The following DSCAML1 variants were observed in gnomAD, a reference collection of about 807,000 sequenced individuals.
DSCAML1 encodes the protein DS cell adhesion molecule like 1.
A neutral mutation model predicts 200.5 loss-of-function variants in DSCAML1; 38 were observed. That is an observed-to-expected ratio of 0.19 (90% confidence interval 0.15 to 0.25). DSCAML1 has a LOEUF of 0.25. Among genes scored for constraint, DSCAML1 ranks in the 10% least tolerant of loss-of-function variants. The probability of loss-of-function intolerance (pLI) is 1.00; values close to 1 mark genes in which losing one functional copy is unlikely to be tolerated. For synonymous variants in DSCAML1, 1,215 were observed against 1,165.0 expected (o/e 1.04, Z -0.87); for missense variants, 2,223 against 2,858.8 (o/e 0.78, Z 5.07).
intron 22 of DSCAML1, 119 bp from the exon 23 acceptor site, chr11:117,439,548 G>C: frequency 1.5e-6 from 2 of 1,320,278 alleles, no homozygotes; most frequent in East Asian, 2.4e-5. Context: ...AGGGAACGCC[G>C]GGTTCTTGGG....
intron 3 of DSCAML1, among the ~76,000 whole-genome samples, chr11:117,585,472 C>T (rs771187648): frequency 6.6e-6 from 1 of 152,184 alleles, no homozygotes; most frequent in Non-Finnish European, 1.5e-5. Flanking sequence ...TGGTCTCCCT[C>T]TCCTGACCTT....
At chr11:117,682,262 C>T (rs2053324793) in intron 3 of DSCAML1, among the ~76,000 whole-genome samples, 1 of 152,176 alleles carries the variant, frequency 6.6e-6, no homozygotes, top group Admixed American at 6.5e-5. Context: ...ACCCGTCTGG[C>T]CTCCGCTGCC....
intron 3 of DSCAML1, among the ~76,000 whole-genome samples, chr11:117,661,513 A>G (rs2052850879): frequency 6.6e-6 from 1 of 152,230 alleles, no homozygotes; most frequent in African/African-American, 2.4e-5. Context: ...CAAGGTCGTA[A>G]CTAGAGGGGA....
At chr11:117,591,757 G>A (rs1193417670) in intron 3 of DSCAML1, among the ~76,000 whole-genome samples, 6 of 152,108 alleles carry the variant, frequency 3.9e-5, no homozygotes, top group South Asian at 4.1e-4. Flanking sequence ...CAGGGTCCCC[G>A]TGCACTGCCC....
chr11:117,653,341 G>C (rs1314324283), intron 3 of DSCAML1, among the ~76,000 whole-genome samples: 1 of 152,204 alleles, frequency 6.6e-6, no homozygotes, highest in African/African-American at 2.4e-5. Context: ...GTGGAGGCCA[G>C]CACTGGTCTT....
chr11:117,555,579 G>A (rs1045991257), intron 3 of DSCAML1, among the ~76,000 whole-genome samples: 4 of 152,152 alleles, frequency 2.6e-5, no homozygotes, highest in African/African-American at 7.2e-5. Flanking sequence ...TGTATTGGAA[G>A]TGAAGGCCAC....
intron 3 of DSCAML1, among the ~76,000 whole-genome samples, chr11:117,697,365 A>C (rs2053601160): frequency 6.6e-6 from 1 of 152,208 alleles, no homozygotes; most frequent in Non-Finnish European, 1.5e-5. Flanking sequence ...GCAAACCTGG[A>C]ATGGATCTAT....
At position 117,807,976 on chromosome 11, in the gene DSCAML1, C is replaced by A. The variant is rs190500795; in HGVS notation, c.-250+9414G>T. Among the ~76,000 whole-genome samples the A allele has an allele frequency of 5.4e-3, 817 of 152,288 alleles. 6 individuals are homozygous for A. Among genetic ancestry groups the A allele is most frequent in the African/African-American group, 0.018 (763 of 41,556 alleles). ...AGCTGGGACTACAGGTGCATGCCAC[C>A]ACACCCAGCTAATTTTTGCATTTTT... On this transcript the variant is annotated intron_variant, in intron 1 of 2. Transcript: ENST00000525836.
chr11:117,783,043 GACAT>G (rs1323707220), intron 1 of DSCAML1, among the ~76,000 whole-genome samples: 1 of 152,166 alleles, frequency 6.6e-6, no homozygotes, highest in African/African-American at 2.4e-5. Flanking sequence ...ACCTTCCTCA[GACAT>G]AACCTGGCCA....
chr11:117,798,173 G>A (rs2055617815), upstream of DSCAML1, among the ~76,000 whole-genome samples: 3 of 152,260 alleles, frequency 2.0e-5, no homozygotes, highest in Non-Finnish European at 4.4e-5. Context: ...TGGCCTATGA[G>A]CCAGGACTGT....
intron 3 of DSCAML1, among the ~76,000 whole-genome samples, chr11:117,573,150 G>C (rs1011657417): frequency 1.3e-5 from 2 of 152,152 alleles, no homozygotes; most frequent in African/African-American, 4.8e-5. Flanking sequence ...CACGTGTCCT[G>C]TCGTGCATTC....
chr11:117,677,965 G>A (rs770115267), intron 3 of DSCAML1, among the ~76,000 whole-genome samples: 2 of 152,212 alleles, frequency 1.3e-5, no homozygotes, highest in Non-Finnish European at 2.9e-5. Context: ...CGAAGAAAGA[G>A]GCTGTGCGGT....
At chr11:117,460,228 C>T (rs75813208) in intron 18 of DSCAML1, among the ~76,000 whole-genome samples, 2,336 of 152,342 alleles carry the variant, frequency 0.015, 31 homozygotes, top group South Asian at 0.034. Flanking sequence ...GCAGCGTGGC[C>T]TGACACTGCA....
chr11:117,718,684 A>ACCT (rs2053998421), intron 3 of DSCAML1, among the ~76,000 whole-genome samples: 1 of 11,294 alleles, frequency 8.9e-5, no homozygotes, highest in Admixed American at 1.3e-3. Flanking sequence ...CCCCCCCCCC[A>ACCT]TCATATGAGA....
At position 117,439,808 on chromosome 11, in the gene DSCAML1, C is replaced by T. The variant is rs531029381; in HGVS notation, c.3980+11G>A. 1.7e-5 allele frequency: 28 copies of T among 1,611,742 alleles called. No homozygotes were observed. The East Asian group carries it at 5.8e-4, about 33-fold the overall frequency. ...GGGGCCACCCCATCCCTCCACTGTCCCGACACACACCTGTCCTTGGTCCAC... is the reference window on the plus strand; with the variant it reads ...GGGGCCACCCCATCCCTCCACTGTCTCGACACACACCTGTCCTTGGTCCAC... On this transcript the variant is annotated intron_variant, in intron 22 of 32. Transcript: ENST00000651296.
chr11:117,689,689 C>T (rs1381725890), intron 3 of DSCAML1, among the ~76,000 whole-genome samples: 1 of 152,106 alleles, frequency 6.6e-6, no homozygotes, highest in African/African-American at 2.4e-5. Context: ...AAGGAGGAAC[C>T]CAAGGGGGTC....
At chr11:117,441,255 G>A (rs1337498587) in intron 21 of DSCAML1, among the ~76,000 whole-genome samples, 2 of 152,220 alleles carry the variant, frequency 1.3e-5, no homozygotes, top group African/African-American at 4.8e-5. Flanking sequence ...TTGGCAGGAA[G>A]GACCGGATGG....
intron 3 of DSCAML1, among the ~76,000 whole-genome samples, chr11:117,728,618 A>C (rs1942926): frequency 0.81 from 123,110 of 152,124 alleles, 52,498 homozygotes; most frequent in Non-Finnish European, 0.94. Flanking sequence ...TGATACTCAA[A>C]AATCTATTGC....
At position 117,480,569 on chromosome 11, in the gene DSCAML1, G is replaced by C. The variant is rs780768123; in HGVS notation, c.2659C>G (p.Pro887Ala). ...RGLIQLTVQE[P>A]PDPPELEIRE... is the part of the protein sequence containing the mutation. ...ATCTCCAGCTCTGGGGGGTCGGGGG[G>C]CTCTAGGGTGCGGCAGTGGAGGGGA... Residue 887 changes from proline (P) to alanine (A), a missense_variant and splice_region_variant, in exon 14 of 33, where the codon CCC becomes GCC. Physicochemically the swap from Pro to Ala is conservative, Grantham distance 27 (BLOSUM62 -1). This residue lies in a region of DSCAML1 where 438 missense variants were observed against 629.7 expected (regional missense o/e 0.70). Transcript: ENST00000651296. This position sits in a 1 kb window ranked among gnomAD's most constrained non-coding sequence, Gnocchi z 4.1. 1 of 1,557,672 alleles carries C rather than the reference G, an allele frequency of 6.4e-7. No individual in the cohort carries two copies. Among genetic ancestry groups the C allele is most frequent in the Non-Finnish European group, 8.7e-7 (1 of 1,150,330 alleles).
Sources: allele counts gnomAD v4.1 joint callset (sites outside exome capture counted in the v4.1 genomes callset), GRCh38; gene constraint gnomAD v4.1.1; regional missense constraint gnomAD v4.1.1; non-coding constraint Gnocchi (gnomAD v3.1); transcripts MANE v1.5; gene names NCBI Gene and HGNC (gene_info 2026-07-23, HGNC 2026-07-21).